The following RIT2 variants were observed in gnomAD, a reference collection of about 807,000 sequenced individuals.
The protein encoded by RIT2 is GTP-binding protein Rit2.
RIT2 carries 24 observed loss-of-function variants against 23.7 expected under a neutral mutation model. The ratio of observed to expected loss-of-function variants is 1.01; its 90% CI spans 0.73 to 1.43. The LOEUF (loss-of-function observed/expected upper bound fraction) is 1.43, where lower values mean the gene tolerates loss of function less well. RIT2 is among the 40% of genes most tolerant of loss of function. RIT2 has a pLI of 0.00. For missense variants in RIT2, 236 were observed against 266.9 expected, an observed-to-expected ratio of 0.88 and a Z score of 0.81; for synonymous variants, 107 against 91.1, an observed-to-expected ratio of 1.17 and a Z score of -0.99.
At chr18:42,965,643 A>G (rs1278036144) in intron 3 of RIT2, among the ~76,000 whole-genome samples, 2 of 150,520 alleles carry the variant, frequency 1.3e-5, no homozygotes, top group Non-Finnish European at 1.5e-5. Context: ...TGTGCAAAAT[A>G]TCGTAAAGGA....
chr18:42,883,394 C>T (rs748180404), intron 4 of RIT2, among the ~76,000 whole-genome samples: 35 of 152,118 alleles, frequency 2.3e-4, no homozygotes, highest in African/African-American at 6.8e-4. Context: ...TCTATGACTA[C>T]GTTAATTTTC....
chr18:42,950,142 C>T (rs1216646464), intron 3 of RIT2, among the ~76,000 whole-genome samples: 1 of 152,042 alleles, frequency 6.6e-6, no homozygotes, highest in East Asian at 1.9e-4. Flanking sequence ...TTATCTTCTT[C>T]TAGTTAATTA....
At position 43,115,639 on chromosome 18, in the gene RIT2, C is replaced by G; in HGVS notation, c.-120G>C. 7.2e-7 allele frequency: 1 copy of G among 1,391,026 alleles called. No homozygotes were observed. The highest frequency in any genetic ancestry group is 2.7e-5 in the East Asian group (1 of 36,904). 86.2% of individuals were successfully genotyped at this position (1,391,026 alleles called of 1,614,324 possible). On this transcript the variant is annotated 5_prime_UTR_variant, in exon 1 of 5. The change abolishes an upstream ATG in the 5' untranslated region. Coordinates refer to ENST00000326695, the MANE Select transcript of RIT2 (RefSeq NM_002930.4). ...AAAGGTTTTAGTACGAGGTAAGAACCATCAGCGTCGGGCTGGCTGCTGGTC... is the reference window on the plus strand; with the variant it reads ...AAAGGTTTTAGTACGAGGTAAGAACGATCAGCGTCGGGCTGGCTGCTGGTC...
intron 1 of RIT2, among the ~76,000 whole-genome samples, chr18:43,068,063 G>C (rs1351388801): frequency 6.6e-6 from 1 of 152,144 alleles, no homozygotes; most frequent in Non-Finnish European, 1.5e-5. Flanking sequence ...TTGAAATTTG[G>C]GTAAATGCTA....
intron 1 of RIT2, among the ~76,000 whole-genome samples, chr18:43,036,516 G>T (rs769529398): frequency 1.3e-5 from 2 of 152,026 alleles, no homozygotes; most frequent in South Asian, 2.1e-4. Context: ...CTCCAGCCTG[G>T]GTGACACAGC....
intron 3 of RIT2, among the ~76,000 whole-genome samples, chr18:42,965,737 T>TTTTTTTTTTTTTA: frequency 7.4e-6 from 1 of 135,590 alleles, no homozygotes; most frequent in Non-Finnish European, 1.6e-5. Context: ...TTTTTTTTTT[T>TTTTTTTTTTTTTA]TTTTTTTTCA....
At chr18:42,883,652 T>G (rs1032812290) in intron 4 of RIT2, among the ~76,000 whole-genome samples, 2 of 152,208 alleles carry the variant, frequency 1.3e-5, no homozygotes, top group Admixed American at 6.5e-5. Flanking sequence ...AAATAATCCT[T>G]TGAAGTAACA....
chr18:42,996,688 C>G (rs545567038), intron 2 of RIT2, among the ~76,000 whole-genome samples: 1 of 151,848 alleles, frequency 6.6e-6, no homozygotes, highest in Admixed American at 6.6e-5. Flanking sequence ...ATAAAACGGC[C>G]TCACCCCTAT....
intron 1 of RIT2, among the ~76,000 whole-genome samples, chr18:43,062,137 A>T (rs1352251253): frequency 2.6e-5 from 4 of 152,102 alleles, no homozygotes; most frequent in African/African-American, 7.2e-5. Flanking sequence ...GGAGCAAAAA[A>T]GCCGCAACAT....
intron 1 of RIT2, among the ~76,000 whole-genome samples, chr18:43,057,756 T>C (rs958333782): frequency 6.6e-6 from 1 of 150,842 alleles, no homozygotes; most frequent in Non-Finnish European, 1.5e-5. Flanking sequence ...CAGATATTAA[T>C]ATTTTCTCTA....
intron 1 of RIT2, among the ~76,000 whole-genome samples, chr18:43,080,624 G>A (rs1004995483): frequency 6.6e-6 from 1 of 151,994 alleles, no homozygotes; most frequent in African/African-American, 2.4e-5. Flanking sequence ...TGAAAAATTG[G>A]CATTGACCTT....
chr18:43,068,292 T>G (rs950975415), intron 1 of RIT2, among the ~76,000 whole-genome samples: 3 of 152,074 alleles, frequency 2.0e-5, no homozygotes, highest in African/African-American at 7.2e-5. Flanking sequence ...TTGCCCAAGA[T>G]CACACAGGTA....
chr18:43,101,387 C>T (rs1207050507), intron 1 of RIT2, among the ~76,000 whole-genome samples: 2 of 151,866 alleles, frequency 1.3e-5, no homozygotes, highest in Non-Finnish European at 2.9e-5. Flanking sequence ...GTCTAATTAT[C>T]CAGACATAAA....
At chr18:43,036,853 A>G (rs892522701) in intron 1 of RIT2, among the ~76,000 whole-genome samples, 1 of 152,234 alleles carries the variant, frequency 6.6e-6, no homozygotes, top group Non-Finnish European at 1.5e-5. Context: ...GAGATAATTT[A>G]TAAAAAACAA....
At chr18:42,832,078 A>G (rs1286094875) in intron 4 of RIT2, among the ~76,000 whole-genome samples, 4 of 152,224 alleles carry the variant, frequency 2.6e-5, no homozygotes, top group Non-Finnish European at 5.9e-5. Flanking sequence ...GCACATTCAC[A>G]GGAGAAAGCT....
At chr18:42,818,018 T>C (rs1906045520) in intron 4 of RIT2, among the ~76,000 whole-genome samples, 1 of 152,056 alleles carries the variant, frequency 6.6e-6, no homozygotes. Flanking sequence ...AAGTAGGTAT[T>C]ATTAGAGTAA....
intron 2 of RIT2, among the ~76,000 whole-genome samples, chr18:43,007,092 A>T (rs1429422610): frequency 6.6e-6 from 1 of 151,656 alleles, no homozygotes; most frequent in Non-Finnish European, 1.5e-5. Flanking sequence ...AAGTATAAAG[A>T]TAATAAACAA....
At chr18:42,997,280 G>T (rs1217369697) in intron 2 of RIT2, among the ~76,000 whole-genome samples, 1 of 151,916 alleles carries the variant, frequency 6.6e-6, no homozygotes, top group East Asian at 1.9e-4. Flanking sequence ...ATGTATTTTT[G>T]TTTTTTATTT....
chr18:43,031,537 G>A (rs1911854376), intron 2 of RIT2, among the ~76,000 whole-genome samples: 1 of 151,898 alleles, frequency 6.6e-6, no homozygotes, highest in Non-Finnish European at 1.5e-5. Context: ...TAAATTCATT[G>A]GTTACTGATG....
Sources: allele counts gnomAD v4.1 joint callset (sites outside exome capture counted in the v4.1 genomes callset), GRCh38; gene constraint gnomAD v4.1.1; transcripts MANE v1.5; gene names NCBI Gene and HGNC (gene_info 2026-07-23, HGNC 2026-07-21).